NREP: variants seen among roughly 807,000 people sequenced by gnomAD.
The protein encoded by NREP is neuronal regeneration related protein.
In NREP, 5 loss-of-function variants were observed where a neutral mutation model predicts 8.6. The ratio of observed to expected loss-of-function variants is 0.58; its 90% CI spans 0.30 to 1.22. The LOEUF (loss-of-function observed/expected upper bound fraction) is 1.22, where lower values mean the gene tolerates loss of function less well. Among genes scored for constraint, NREP ranks in the 50% most tolerant of loss-of-function variants. The pLI is 0.07. For synonymous variants in NREP, 27 were observed against 28.0 expected, an observed-to-expected ratio of 0.96 and a Z score of 0.11; for missense variants, 86 against 82.5, an observed-to-expected ratio of 1.04 and a Z score of -0.17.
intron 2 of NREP, among the ~76,000 whole-genome samples, chr5:111,884,035 G>A (rs535840144): frequency 2.0e-4 from 30 of 152,242 alleles, no homozygotes; most frequent in Admixed American, 9.2e-4. Flanking sequence ...GAATCCAGGA[G>A]CTGGTTTTTT....
intron 2 of NREP, among the ~76,000 whole-genome samples, chr5:111,940,801 T>C (rs1045253286): frequency 1.3e-5 from 2 of 151,988 alleles, no homozygotes; most frequent in Admixed American, 6.6e-5. Flanking sequence ...ACCACACTCA[T>C]GCCCCAAAAT....
intron 2 of NREP, among the ~76,000 whole-genome samples, chr5:111,874,857 T>C (rs1475163804): frequency 6.6e-6 from 1 of 152,166 alleles, no homozygotes; most frequent in Non-Finnish European, 1.5e-5. Flanking sequence ...TCAGATAGGC[T>C]TGGAATGCCA....
chr5:111,755,185 T>G (rs1014963145), intron 2 of NREP, among the ~76,000 whole-genome samples: 2 of 152,232 alleles, frequency 1.3e-5, no homozygotes, highest in African/African-American at 4.8e-5. Flanking sequence ...TAGTTATACT[T>G]TTATTTAGAG....
intron 2 of NREP, among the ~76,000 whole-genome samples, chr5:111,766,014 A>AACAG (rs1751074022): frequency 6.6e-6 from 1 of 151,340 alleles, no homozygotes; most frequent in Non-Finnish European, 1.5e-5. Context: ...TATTGTCAGA[A>AACAG]AACTAAAAAA....
Position 111,917,793 on chromosome 5 carries a change from C to T in NREP, c.135+57481G>A, listed in dbSNP as rs542555419. On this transcript the variant is annotated intron_variant, in intron 2 of 3. Coordinates refer to the NREP transcript ENST00000395634. ...AGCTGGAAGCATTCCCTTTGAAAACCGGCACAAGACAGGGATGCCCTCTCT... is the reference window on the plus strand; with the variant it reads ...AGCTGGAAGCATTCCCTTTGAAAACTGGCACAAGACAGGGATGCCCTCTCT... Among the ~76,000 whole-genome samples, 11 of 152,194 alleles carry T rather than the reference C, an allele frequency of 7.2e-5. No homozygotes were observed. The East Asian group carries it at 1.4e-3, about 19-fold the overall frequency.
intron 2 of NREP, among the ~76,000 whole-genome samples, chr5:111,831,118 G>A (rs560571136): frequency 4.1e-4 from 62 of 152,234 alleles, no homozygotes; most frequent in African/African-American, 1.5e-3. Context: ...TGATGATTTT[G>A]CCTATTGGAG....
chr5:111,775,209 A>C (rs1293309908), intron 2 of NREP, among the ~76,000 whole-genome samples: 1 of 152,164 alleles, frequency 6.6e-6, no homozygotes, highest in African/African-American at 2.4e-5. Flanking sequence ...AATTCTTTCA[A>C]GTATCACAGA....
intron 2 of NREP, among the ~76,000 whole-genome samples, chr5:111,948,636 T>C (rs772085552): frequency 2.6e-5 from 4 of 152,068 alleles, no homozygotes; most frequent in Non-Finnish European, 4.4e-5. Context: ...CATGCCTTTA[T>C]GGAAAAAATT....
intron 2 of NREP, among the ~76,000 whole-genome samples, chr5:111,956,515 TAAATC>T (rs1018312613): frequency 6.6e-6 from 1 of 151,948 alleles, no homozygotes; most frequent in African/African-American, 2.4e-5. Context: ...GATTTTTTTT[TAAATC>T]AAGTGACATG....
At chr5:111,734,788 T>C (rs1219991981) in intron 3 of NREP, 11 of 689,640 alleles carry the variant, frequency 1.6e-5, no homozygotes, top group African/African-American at 8.8e-5. Context: ...CTCTCCCCGC[T>C]TGAAGTCAAA....
At chr5:111,784,279 G>C (rs1336058941) in intron 2 of NREP, among the ~76,000 whole-genome samples, 1 of 152,104 alleles carries the variant, frequency 6.6e-6, no homozygotes, top group Non-Finnish European at 1.5e-5. Context: ...TATTTTACTG[G>C]CCAGAATTCT....
At chr5:111,899,199 A>C (rs994932900) in intron 2 of NREP, among the ~76,000 whole-genome samples, 3 of 152,198 alleles carry the variant, frequency 2.0e-5, no homozygotes, top group African/African-American at 7.2e-5. Context: ...AAAGGAGTCA[A>C]ATTTTATTGC....
At chr5:111,788,860 G>A (rs1751674648) in intron 2 of NREP, among the ~76,000 whole-genome samples, 1 of 152,186 alleles carries the variant, frequency 6.6e-6, no homozygotes, top group South Asian at 2.1e-4. Flanking sequence ...CCTAATGTGG[G>A]TGGGCCTCAT....
At chr5:111,855,930 A>C (rs1753416941) in intron 2 of NREP, among the ~76,000 whole-genome samples, 1 of 152,192 alleles carries the variant, frequency 6.6e-6, no homozygotes, top group Admixed American at 6.5e-5. Flanking sequence ...GTGAAGAATG[A>C]AGGTCCTGTT....
intron 2 of NREP, among the ~76,000 whole-genome samples, chr5:111,814,732 C>A (rs569707259): frequency 6.6e-6 from 1 of 152,034 alleles, no homozygotes; most frequent in African/African-American, 2.4e-5. Flanking sequence ...AGCAAAGAGA[C>A]TTGGGAAGGC....
intron 2 of NREP, among the ~76,000 whole-genome samples, chr5:111,847,947 A>G (rs1476962361): frequency 6.6e-6 from 1 of 152,132 alleles, no homozygotes; most frequent in Non-Finnish European, 1.5e-5. Flanking sequence ...TGGTGTAGTT[A>G]TTTCAACATT....
chr5:111,913,979 G>C (rs746881961), intron 2 of NREP, among the ~76,000 whole-genome samples: 87 of 152,198 alleles, frequency 5.7e-4, no homozygotes, highest in Middle Eastern at 3.4e-3. Flanking sequence ...CCATCCTTAC[G>C]CATCTAAATG....
intron 2 of NREP, among the ~76,000 whole-genome samples, chr5:111,815,023 C>T (rs370221089): frequency 1.1e-4 from 17 of 151,158 alleles, no homozygotes; most frequent in Middle Eastern, 3.4e-3. Flanking sequence ...TTTAACCTAG[C>T]GAGGAATCTT....
intron 2 of NREP, among the ~76,000 whole-genome samples, chr5:111,822,975 T>C (rs1752544462): frequency 6.6e-6 from 1 of 152,230 alleles, no homozygotes; most frequent in Non-Finnish European, 1.5e-5. Flanking sequence ...TACTGGAGGC[T>C]AGGTAATTCA....
Sources: gnomAD v4.1 joint callset for allele counts (sites outside exome capture counted in the v4.1 genomes callset) on GRCh38, gnomAD v4.1.1 for gene constraint, MANE v1.5 for transcripts, NCBI Gene and HGNC (gene_info 2026-07-23, HGNC 2026-07-21) for gene names.